WNT7B: variants seen among roughly 807,000 people sequenced by gnomAD.
WNT7B encodes the protein protein Wnt-7b.
In WNT7B, 19 loss-of-function variants were observed where a neutral mutation model predicts 38.2. The observed-to-expected ratio is 0.50, with a 90% CI of 0.35 to 0.73. WNT7B has a LOEUF of 0.73. Ranked by LOEUF, WNT7B falls within the 30% of genes least tolerant of loss-of-function variation. The pLI, the probability that WNT7B is intolerant of heterozygous loss-of-function variation, is 0.01. For missense variants in WNT7B, 423 were observed against 507.9 expected, an observed-to-expected ratio of 0.83 and a Z score of 1.61; for synonymous variants, 243 against 209.3, an observed-to-expected ratio of 1.16 and a Z score of -1.39.
At chr22:45,968,352 C>T (rs937736596) in intron 1 of WNT7B, among the ~76,000 whole-genome samples, 2 of 152,126 alleles carry the variant, frequency 1.3e-5, no homozygotes, top group African/African-American at 4.8e-5. Context: ...TCCTGCACAC[C>T]GACCACACCA....
At chr22:45,946,053 G>C (rs1601728325) in intron 2 of WNT7B, among the ~76,000 whole-genome samples, 1 of 136,372 alleles carries the variant, frequency 7.3e-6, no homozygotes, top group Admixed American at 7.9e-5. Context: ...GGTCCTGGGG[G>C]ACTCTGGGCT....
In WNT7B at chr22:45,968,704, A is replaced by C. The variant is rs112653904; in HGVS notation, c.71+7980T>G. Among the ~76,000 whole-genome samples the C allele has an allele frequency of 3.8e-3, 576 of 152,132 alleles. 6 individuals are homozygous for C. The highest frequency in any genetic ancestry group is 0.013 in the African/African-American group (531 of 41,490). On this transcript the variant is annotated intron_variant, in intron 1 of 3. Coordinates refer to ENST00000339464, the MANE Select transcript of WNT7B (RefSeq NM_058238.3). ...GTCCACCTGGTGATGAGTTCTGGGGAGTTTCCTGTGATTAGGGAGGCTCCA... is the reference window on the plus strand; with the variant it reads ...GTCCACCTGGTGATGAGTTCTGGGGCGTTTCCTGTGATTAGGGAGGCTCCA...
At chr22:45,947,083 C>T (rs971428322) in intron 2 of WNT7B, among the ~76,000 whole-genome samples, 2 of 152,238 alleles carry the variant, frequency 1.3e-5, no homozygotes, top group Non-Finnish European at 2.9e-5. Context: ...CCCTGATCAG[C>T]CCCTCTTCCT....
At chr22:45,934,904 G>A (rs755734368) in intron 2 of WNT7B, among the ~76,000 whole-genome samples, 19 of 152,248 alleles carry the variant, frequency 1.2e-4, no homozygotes, top group Non-Finnish European at 2.8e-4. Context: ...TAGGTCCGGC[G>A]AGAGTCGCTG....
intron 2 of WNT7B, among the ~76,000 whole-genome samples, chr22:45,942,676 T>C (rs56115219): frequency 0.17 from 25,267 of 152,290 alleles, 2,231 homozygotes; most frequent in Middle Eastern, 0.26. Flanking sequence ...ACGAAGGTGA[T>C]AGCAGCACGC....
At chr22:45,944,366 C>G (rs956526496) in intron 2 of WNT7B, among the ~76,000 whole-genome samples, 1 of 152,204 alleles carries the variant, frequency 6.6e-6, no homozygotes, top group Admixed American at 6.5e-5. Context: ...TGCCATAGCC[C>G]CTCAGGCTCC....
chr22:45,926,366 C>T (rs1321508309), intron 3 of WNT7B: 1 of 985,284 alleles, frequency 1.0e-6, no homozygotes, highest in Non-Finnish European at 1.2e-6. Context: ...GCCTTGGTTC[C>T]TCCTCGACGC....
intron 1 of WNT7B, among the ~76,000 whole-genome samples, chr22:45,950,893 C>A (rs950298797): frequency 6.6e-6 from 1 of 152,240 alleles, no homozygotes; most frequent in African/African-American, 2.4e-5. Context: ...AATTGAGCAC[C>A]TACTGTGTGC....
chr22:45,929,664 C>CTTT, intron 3 of WNT7B, among the ~76,000 whole-genome samples: 1 of 104,804 alleles, frequency 9.5e-6, no homozygotes, highest in Admixed American at 8.8e-5. Context: ...TTCCACCCAC[C>CTTT]CGCCCATCCT....
At chr22:45,929,195 C>A (rs556479673) in intron 3 of WNT7B, among the ~76,000 whole-genome samples, 15 of 152,302 alleles carry the variant, frequency 9.8e-5, no homozygotes, top group African/African-American at 3.4e-4. Flanking sequence ...GGAGTCCTCC[C>A]AGATGCCTCC....
At chr22:45,928,732 T>TA (rs1931180040) in intron 3 of WNT7B, among the ~76,000 whole-genome samples, 1 of 152,132 alleles carries the variant, frequency 6.6e-6, no homozygotes. Context: ...ACCCTAGAGC[T>TA]AAATCAGACA....
Position 45,932,134 on chromosome 22 carries a change from G to C in WNT7B, c.299-765C>G, listed in dbSNP as rs539766312. On this transcript the variant is annotated intron_variant, in intron 2 of 3. Transcript: ENST00000339464. ...AGCTGGTTCCCTCCAAGGGCAGTCT[G>C]GCCAGGTCCCTCGCTGGCACCTTCA... Among the ~76,000 whole-genome samples the C allele has an allele frequency of 2.0e-3, 303 of 152,264 alleles. 3 individuals are homozygous for C. Among genetic ancestry groups the C allele is most frequent in the African/African-American group, 7.0e-3 (289 of 41,558 alleles).
In WNT7B at chr22:45,953,069, G is replaced by A. The variant is rs185730641; in HGVS notation, c.72-2923C>T. On this transcript the variant is annotated intron_variant, in intron 1 of 3. Transcript: ENST00000339464. ...TGATTCCCTGGCACTGAGGGGGAGC[G>A]CGGTGGGCACTGGTTTTGCGGGTGT... 5.3e-3 allele frequency among the ~76,000 whole-genome samples: 814 copies of A among 152,280 alleles called. 6 individuals are homozygous for A. The highest frequency in any genetic ancestry group is 8.8e-3 in the Non-Finnish European group (600 of 68,022).
intron 1 of WNT7B, among the ~76,000 whole-genome samples, chr22:45,963,768 A>C (rs949444679): frequency 1.3e-5 from 2 of 152,098 alleles, no homozygotes; most frequent in Non-Finnish European, 2.9e-5. Context: ...GCTGGCTGCA[A>C]AGCCTGGCTC....
At chr22:45,949,788 C>A in intron 2 of WNT7B, 132 bp downstream of exon 2, 1 of 889,378 alleles carries the variant, frequency 1.1e-6, no homozygotes, top group Non-Finnish European at 1.7e-6. Context: ...GAAGGGCTCA[C>A]AGGAAGGCAA....
At chr22:45,934,458 C>A (rs1931461749) in intron 2 of WNT7B, among the ~76,000 whole-genome samples, 1 of 152,128 alleles carries the variant, frequency 6.6e-6, no homozygotes. Flanking sequence ...TGGAGGGGGT[C>A]TAGGAACCCC....
chr22:45,949,694 T>C (rs113577918), intron 2 of WNT7B, among the ~76,000 whole-genome samples: 16,206 of 152,274 alleles, frequency 0.11, 2,258 homozygotes, highest in African/African-American at 0.33. Context: ...AGCAAGGACC[T>C]TCATCTGCAC....
At chr22:45,926,522 G>A in intron 3 of WNT7B, 1 of 985,444 alleles carries the variant, frequency 1.0e-6, no homozygotes, top group Non-Finnish European at 1.2e-6. Context: ...GGGGTTGGTG[G>A]ACTAAAGTCC....
intron 1 of WNT7B, among the ~76,000 whole-genome samples, chr22:45,963,524 T>A (rs1360901125): frequency 6.6e-6 from 1 of 152,024 alleles, no homozygotes; most frequent in Non-Finnish European, 1.5e-5. Flanking sequence ...CAGTTGGAGT[T>A]CATCATTCCC....
Sources: allele counts gnomAD v4.1 joint callset (sites outside exome capture counted in the v4.1 genomes callset), GRCh38; gene constraint gnomAD v4.1.1; transcripts MANE v1.5; gene names NCBI Gene and HGNC (gene_info 2026-07-23, HGNC 2026-07-21).